BORCS5: variants seen among roughly 807,000 people sequenced by gnomAD.
BORCS5 encodes BLOC-1 related complex subunit 5.
In BORCS5, 17 loss-of-function variants were observed where a neutral mutation model predicts 22.1. The observed-to-expected ratio is 0.77, with a 90% CI of 0.53 to 1.15. The LOEUF (loss-of-function observed/expected upper bound fraction) is 1.15, where lower values mean the gene tolerates loss of function less well. Among genes scored for constraint, BORCS5 ranks in the 50% most tolerant of loss-of-function variants. The pLI is 0.00. For synonymous variants in BORCS5, 117 were observed against 99.8 expected, an observed-to-expected ratio of 1.17 and a Z score of -1.03; for missense variants, 247 against 253.2, an observed-to-expected ratio of 0.98 and a Z score of 0.17.
intron 3 of BORCS5, among the ~76,000 whole-genome samples, chr12:12,464,910 A>G (rs1191202067): frequency 3.3e-5 from 5 of 152,154 alleles, no homozygotes; most frequent in African/African-American, 7.2e-5. Flanking sequence ...AGTGTCCGCC[A>G]AACTGCAGCC....
intron 2 of BORCS5, among the ~76,000 whole-genome samples, chr12:12,404,654 G>A (rs1193441236): frequency 6.6e-6 from 1 of 152,206 alleles, no homozygotes; most frequent in African/African-American, 2.4e-5. Flanking sequence ...GCACTCCTCA[G>A]CATGTCCAAC....
At chr12:12,385,379 C>T (rs1295005590) in intron 2 of BORCS5, among the ~76,000 whole-genome samples, 1 of 151,520 alleles carries the variant, frequency 6.6e-6, no homozygotes, top group African/African-American at 2.4e-5. Context: ...GCAGCCGCTT[C>T]CTGCTAAAGC....
intron 2 of BORCS5, among the ~76,000 whole-genome samples, chr12:12,430,151 A>ATTTTTTTTTTTTTTTTTTTT (rs71061068): frequency 1.9e-5 from 2 of 107,748 alleles, no homozygotes; most frequent in African/African-American, 4.1e-5. Flanking sequence ...CTTAGAGAAA[A>ATTTTTTTTTTTTTTTTTTTT]TTTTTTTTTT....
Position 12,357,512 on chromosome 12 carries a change from C to T in BORCS5, c.58+3C>T. The T allele has an allele frequency of 6.2e-7, 1 of 1,607,882 alleles. No individual in the cohort carries two copies. Among genetic ancestry groups the T allele is most frequent in the East Asian group, 2.2e-5 (1 of 44,650 alleles). On this transcript the variant is annotated splice_donor_region_variant and intron_variant, in intron 1 of 3. Coordinates refer to ENST00000314565, the MANE Select transcript of BORCS5 (RefSeq NM_058169.6). ...ACCCAACGATCTGAACTCCTCAGGT[C>T]GGTGTCCTAACCTCCCACCCTCCTC... is the stretch of plus-strand genomic sequence containing the variant.
chr12:12,361,128 A>G (rs1863274090), intron 1 of BORCS5, 78 bp from the exon 2 acceptor site: 1 of 1,409,278 alleles, frequency 7.1e-7, no homozygotes. Context: ...ATTCTTTTTA[A>G]TCACTACACC....
chr12:12,430,788 T>C (rs557971979), intron 2 of BORCS5, among the ~76,000 whole-genome samples: 5 of 152,336 alleles, frequency 3.3e-5, no homozygotes, highest in African/African-American at 1.2e-4. Context: ...CATATACTCT[T>C]GTTTACTTGC....
At chr12:12,385,699 G>C (rs986336869) in intron 2 of BORCS5, among the ~76,000 whole-genome samples, 2 of 149,300 alleles carry the variant, frequency 1.3e-5, no homozygotes, top group Non-Finnish European at 3.0e-5. Flanking sequence ...TAGTAGAGAC[G>C]GGGTTTCACC....
intron 2 of BORCS5, among the ~76,000 whole-genome samples, chr12:12,392,608 A>T (rs1941224185): frequency 6.6e-6 from 1 of 152,142 alleles, no homozygotes; most frequent in Admixed American, 6.6e-5. Context: ...TTATCTATAA[A>T]TTGAGACTAA....
chr12:12,359,449 C>T (rs1863225783), intron 1 of BORCS5, among the ~76,000 whole-genome samples: 1 of 151,314 alleles, frequency 6.6e-6, no homozygotes, highest in Non-Finnish European at 1.5e-5. Context: ...GCAACCTCCG[C>T]CTCCCGGATT....
chr12:12,365,475 C>T (rs377563307), intron 2 of BORCS5, among the ~76,000 whole-genome samples: 12 of 152,128 alleles, frequency 7.9e-5, no homozygotes, highest in East Asian at 1.9e-4. Context: ...CCACCATGCC[C>T]GGCCCGAGTT....
chr12:12,390,781 G>A (rs1366671852), intron 2 of BORCS5, among the ~76,000 whole-genome samples: 1 of 138,430 alleles, frequency 7.2e-6, no homozygotes, highest in Non-Finnish European at 1.6e-5. Flanking sequence ...GCAAGACCCT[G>A]TCTCTTAAAA....
intron 2 of BORCS5, among the ~76,000 whole-genome samples, chr12:12,420,370 A>G (rs1942083131): frequency 6.6e-6 from 1 of 152,076 alleles, no homozygotes; most frequent in Middle Eastern, 3.2e-3. Context: ...GTGTGGTGTT[A>G]TTTCTGAGGG....
intron 2 of BORCS5, among the ~76,000 whole-genome samples, chr12:12,426,842 G>C (rs1036918034): frequency 7.9e-5 from 12 of 152,188 alleles, no homozygotes; most frequent in African/African-American, 2.9e-4. Flanking sequence ...CCATTAAAAA[G>C]TTCCTCTGTC....
chr12:12,426,505 T>TC (rs544615445), intron 2 of BORCS5, among the ~76,000 whole-genome samples: 213 of 152,356 alleles, frequency 1.4e-3, no homozygotes, highest in African/African-American at 4.9e-3. Context: ...GGGTGTGACA[T>TC]CCTCTGTTCT....
chr12:12,392,904 C>T (rs913459428), intron 2 of BORCS5, among the ~76,000 whole-genome samples: 1 of 151,904 alleles, frequency 6.6e-6, no homozygotes, highest in African/African-American at 2.4e-5. Flanking sequence ...TTCTGCAAAC[C>T]AAAACTGTAA....
intron 2 of BORCS5, among the ~76,000 whole-genome samples, chr12:12,409,178 G>A (rs922884816): frequency 4.0e-5 from 6 of 151,734 alleles, no homozygotes; most frequent in African/African-American, 1.5e-4. Context: ...CTTCCCTAAT[G>A]ATTAGGGATG....
intron 2 of BORCS5, among the ~76,000 whole-genome samples, chr12:12,408,296 G>T (rs750017358): frequency 1.3e-5 from 2 of 152,210 alleles, no homozygotes; most frequent in African/African-American, 2.4e-5. Context: ...CCTGCTTTCA[G>T]TTCTTTTGGG....
In BORCS5 at chr12:12,442,452, T is replaced by C. The variant is rs143004413; in HGVS notation, c.360+6667T>C. On this transcript the variant is annotated intron_variant, in intron 3 of 3. Transcript: ENST00000314565. The stretch of plus-strand genomic sequence containing the variant: ...TTCATGATATGATTCTAGTAACTCC[T>C]GTTTTAATTCTTAGATGTGTTGATA... Among the ~76,000 whole-genome samples the C allele has an allele frequency of 1.5e-3, 234 of 152,346 alleles. 3 individuals are homozygous for C. The highest frequency in any genetic ancestry group is 5.5e-3 in the African/African-American group (227 of 41,578).
chr12:12,392,538 C>G (rs1408813245), intron 2 of BORCS5, among the ~76,000 whole-genome samples: 2 of 152,078 alleles, frequency 1.3e-5, no homozygotes, highest in Non-Finnish European at 2.9e-5. Flanking sequence ...AGAACAGCTG[C>G]TCAGCCACTT....
Sources: allele counts gnomAD v4.1 joint callset (sites outside exome capture counted in the v4.1 genomes callset), GRCh38; gene constraint gnomAD v4.1.1; transcripts MANE v1.5; gene names NCBI Gene and HGNC (gene_info 2026-07-23, HGNC 2026-07-21).